Variants in CIB4 observed in about 807,000 individuals in gnomAD.
CIB4 encodes calcium and integrin-binding family member 4.
Under a neutral mutation model 25.8 loss-of-function variants are expected in CIB4, and 25 were observed. That is an observed-to-expected ratio of 0.97 (90% confidence interval 0.71 to 1.35). CIB4 has a LOEUF of 1.35. Among genes scored for constraint, CIB4 ranks in the 40% most tolerant of loss-of-function variants. The pLI is 0.00. For missense variants in CIB4, 235 were observed against 228.2 expected (o/e 1.03, Z -0.19); for synonymous variants, 75 against 81.4 (o/e 0.92, Z 0.42).
chr2:26,641,189 AT>A (rs1232758563), intron 1 of CIB4, 71 bp downstream of exon 1: 2 of 1,316,720 alleles, frequency 1.5e-6, no homozygotes, highest in Non-Finnish European at 2.2e-6. Context: ...TCAGGAAGGA[AT>A]TTTCCCATTC....
rs766042141 is a variant in CIB4, at chr2:26,582,890, G to T, written c.462C>A (p.Asp154Glu). The T allele has an allele frequency of 2.5e-6, 4 of 1,613,470 alleles. No individual in the cohort carries two copies. The highest frequency in any genetic ancestry group is 3.4e-6 in the Non-Finnish European group (4 of 1,179,456). ...TNHVLSESDL[D>E]NDNMLSFSEF... is the part of the protein sequence containing the mutation. ...CTGAGAAGGACAGCATGTTGTCATT[G>T]TCCAGATCCGACTCACTCAGGACCT... The change falls in exon 6 of 7, where the codon GAC (aspartate) becomes GAA (glutamate). Residue 154 changes from aspartate (D) to glutamate (E), a missense_variant. Asp to Glu is a conservative substitution (Grantham distance 45, BLOSUM62 2). Transcript: ENST00000288861.
At chr2:26,589,104 C>T (rs1668530582) in intron 4 of CIB4, among the ~76,000 whole-genome samples, 1 of 109,968 alleles carries the variant, frequency 9.1e-6, no homozygotes, top group Non-Finnish European at 1.8e-5. Flanking sequence ...TCTTCTTCTT[C>T]TTCCTCTTCT....
chr2:26,623,125 C>T (rs951704753), intron 3 of CIB4, among the ~76,000 whole-genome samples: 1 of 152,012 alleles, frequency 6.6e-6, no homozygotes, highest in African/African-American at 2.4e-5. Flanking sequence ...AGGAGAATTG[C>T]TTAAACCCAG....
At chr2:26,583,744 C>A in intron 5 of CIB4, 45 bp downstream of exon 5, 8 of 1,323,378 alleles carry the variant, frequency 6.0e-6, no homozygotes, top group Non-Finnish European at 8.7e-6. Flanking sequence ...CAACCTGGCC[C>A]CTATCCCCGG....
intron 3 of CIB4, among the ~76,000 whole-genome samples, chr2:26,624,840 G>GTA (rs762967054): frequency 2.9e-4 from 43 of 146,840 alleles, no homozygotes; most frequent in South Asian, 1.3e-3. Flanking sequence ...GTATTATGGT[G>GTA]TATATATATA....
chr2:26,583,885 A>C lies in CIB4; in HGVS notation c.342T>G (p.Asn114Lys). Residue 114 changes from asparagine to lysine, a missense_variant, in exon 5 of 7, where the codon AAT becomes AAG. Coordinates refer to ENST00000288861, the MANE Select transcript of CIB4 (RefSeq NM_001029881.3). Reference protein sequence around the residue: ...YAFRIYDFNENGFIDEEDLQR... With the variant: ...YAFRIYDFNEKGFIDEEDLQR... ...GCAGATCCTCCTCATCAATGAAGCC[A>C]TTCTCATTAAAATCTGCAAAGAAGA... The C allele has an allele frequency of 6.2e-7, 1 of 1,610,598 alleles. No individual in the cohort carries two copies. The highest frequency in any genetic ancestry group is 8.5e-7 in the Non-Finnish European group (1 of 1,177,012).
intron 4 of CIB4, among the ~76,000 whole-genome samples, chr2:26,588,918 G>C (rs1479411655): frequency 6.6e-6 from 1 of 151,854 alleles, no homozygotes; most frequent in Non-Finnish European, 1.5e-5. Context: ...GAGGCCAGTA[G>C]GTAAGCTCCA....
rs1558554712 is a variant in CIB4 at position 26,589,042 on chromosome 2, T to TCTTCC, written c.329-5145_329-5144insGGAAG. 3.6e-4 allele frequency among the ~76,000 whole-genome samples: 17 copies of TCTTCC among 47,466 alleles called. 1 individual carries two copies. Among genetic ancestry groups the TCTTCC allele is most frequent in the African/African-American group, 1.4e-3 (16 of 11,456 alleles). 31.1% of individuals were successfully genotyped at this position (47,466 alleles called of 152,430 possible). A position where few individuals can be genotyped will look rare whatever the true frequency, so the allele number is the denominator to read the frequency against. On this transcript the variant is annotated intron_variant, in intron 4 of 6. Coordinates refer to ENST00000288861, the MANE Select transcript of CIB4 (RefSeq NM_001029881.3). ...CTTCTTCTTCTTCTTCTTCTTCTTC[T>TCTTCC]TCTTCTTCTTCTTCTTCCTCTTCCT... is the stretch of plus-strand genomic sequence containing the variant.
chr2:26,594,698 G>A (rs1377727353), intron 4 of CIB4, among the ~76,000 whole-genome samples: 2 of 152,078 alleles, frequency 1.3e-5, no homozygotes, highest in Non-Finnish European at 1.5e-5. Flanking sequence ...GTGACTACCC[G>A]AGACAGAGAC....
chr2:26,596,166 A>T (rs1668679301), intron 3 of CIB4, among the ~76,000 whole-genome samples: 1 of 152,240 alleles, frequency 6.6e-6, no homozygotes, highest in South Asian at 2.1e-4. Flanking sequence ...GAAAAACCAC[A>T]TTTCTGCAAG....
intron 3 of CIB4, among the ~76,000 whole-genome samples, chr2:26,609,100 G>T (rs117330883): frequency 1.3e-5 from 2 of 152,270 alleles, no homozygotes; most frequent in East Asian, 3.9e-4. Flanking sequence ...TTATTCTACC[G>T]CTTTGCTGGT....
chr2:26,640,929 C>T (rs776047204), intron 1 of CIB4, among the ~76,000 whole-genome samples: 21 of 152,324 alleles, frequency 1.4e-4, no homozygotes, highest in South Asian at 4.1e-4. Flanking sequence ...ACCGCTACCC[C>T]GCCTGGTAAA....
In CIB4 at chr2:26,627,803, C is replaced by A. The variant is rs1669336904; in HGVS notation, c.186+1607G>T. On this transcript the variant is annotated intron_variant, in intron 3 of 6. Transcript: ENST00000288861. The surrounding 1 kb of genome is among the most constrained non-coding windows in gnomAD (Gnocchi z 4.0). ...CTTTCTCATTATTTTGTCTTCTCCA[C>A]TCCTGCCTCTATTTCAAGACCCAGC... Among the ~76,000 whole-genome samples the A allele has an allele frequency of 6.6e-6, 1 of 151,896 alleles. No individual in the cohort carries two copies. The highest frequency in any genetic ancestry group is 6.6e-5 in the Admixed American group (1 of 15,264).
chr2:26,603,671 A>C (rs1459237494), intron 3 of CIB4, among the ~76,000 whole-genome samples: 1 of 152,232 alleles, frequency 6.6e-6, no homozygotes, highest in Non-Finnish European at 1.5e-5. Flanking sequence ...TCATGCAAAA[A>C]AAGAAGGAAA....
chr2:26,595,895 G>GCACACACACA (rs755408979), intron 3 of CIB4, among the ~76,000 whole-genome samples: 81 of 148,518 alleles, frequency 5.5e-4, no homozygotes, highest in African/African-American at 2.0e-3. Context: ...ACTTATCTGC[G>GCACACACACA]CGCACACACA....
At chr2:26,622,049 G>A (rs1191281893) in intron 3 of CIB4, among the ~76,000 whole-genome samples, 1 of 152,224 alleles carries the variant, frequency 6.6e-6, no homozygotes, top group Non-Finnish European at 1.5e-5. Flanking sequence ...TCTGAACAGT[G>A]TATGCAGTCA....
At chr2:26,601,227 AAAAAATATATATATATATAT>A (rs1207551608) in intron 3 of CIB4, among the ~76,000 whole-genome samples, 3 of 44,380 alleles carry the variant, frequency 6.8e-5, no homozygotes, top group African/African-American at 2.2e-4. Context: ...CAAAAAAAAA[AAAAAATATATATATATATAT>A]ATATATATAT....
At chr2:26,586,327 CCCT>C (rs1668452304) in intron 4 of CIB4, among the ~76,000 whole-genome samples, 1 of 152,200 alleles carries the variant, frequency 6.6e-6, no homozygotes, top group Non-Finnish European at 1.5e-5. Context: ...CGGAGGCTCC[CCCT>C]CCTCGGGACA....
chr2:26,595,285 C>T lies in CIB4; in HGVS notation c.219G>A (p.Val73=), dbSNP rs1320360986. 5 of 1,614,110 alleles carry T rather than the reference C, an allele frequency of 3.1e-6. No homozygotes were observed. The highest frequency in any genetic ancestry group is 4.2e-6 in the Non-Finnish European group (5 of 1,179,976). ...AGGAGAACATGCCTTTGTGGGAGAA[C>T]ACTCTGCAGATACGGTCTCTGAAAG... The part of the protein sequence containing the change: ...VNPFRDRICR[V]FSHKGMFSFE... The change falls in exon 4 of 7, where the codon GTG becomes GTA. Residue 73 remains valine, a synonymous_variant. Coordinates refer to ENST00000288861, the MANE Select transcript of CIB4 (RefSeq NM_001029881.3).
Sources: gnomAD v4.1 joint callset for allele counts (sites outside exome capture counted in the v4.1 genomes callset) on GRCh38, gnomAD v4.1.1 for gene constraint, Gnocchi (gnomAD v3.1) non-coding constraint, MANE v1.5 for transcripts, NCBI Gene and HGNC (gene_info 2026-07-23, HGNC 2026-07-21) for gene names.